Variants in CSMD1 observed in about 807,000 individuals in gnomAD.
The protein encoded by CSMD1 is CUB and sushi domain-containing protein 1.
A neutral mutation model predicts 417.5 loss-of-function variants in CSMD1; 213 were observed. That is an observed-to-expected ratio of 0.51 (90% confidence interval 0.46 to 0.57). CSMD1 has a LOEUF of 0.57. Ranked by LOEUF, CSMD1 falls within the 20% of genes least tolerant of loss-of-function variation. The pLI is 0.00. For missense variants in CSMD1, 6,923 were observed against 4,529.7 expected, an observed-to-expected ratio of 1.53 and a Z score of -15.17; for synonymous variants, 2,862 against 1,736.8, an observed-to-expected ratio of 1.65 and a Z score of -16.11.
At chr8:3,717,285 G>A (rs564876952) in intron 6 of CSMD1, among the ~76,000 whole-genome samples, 52 of 151,980 alleles carry the variant, frequency 3.4e-4, no homozygotes, top group Non-Finnish European at 5.3e-4. Flanking sequence ...CTCTTTCAAC[G>A]CTTATCTCAG....
intron 11 of CSMD1, among the ~76,000 whole-genome samples, chr8:3,487,738 G>A (rs1303364071): frequency 1.3e-5 from 2 of 152,156 alleles, no homozygotes; most frequent in Non-Finnish European, 2.9e-5. Flanking sequence ...AATTAGCTGT[G>A]AATGTTTTTA....
chr8:3,447,464 G>C (rs553689522), intron 12 of CSMD1, among the ~76,000 whole-genome samples: 2 of 152,264 alleles, frequency 1.3e-5, no homozygotes, highest in Non-Finnish European at 2.9e-5. Flanking sequence ...AAAGTATTTA[G>C]GGTAAGAGCG....
At chr8:4,818,806 C>T (rs192956860) in intron 1 of CSMD1, among the ~76,000 whole-genome samples, 312 of 152,272 alleles carry the variant, frequency 2.0e-3, no homozygotes, top group Non-Finnish European at 3.2e-3. Flanking sequence ...ATTTTCATTT[C>T]ATTAGAGACT....
At chr8:3,276,860 G>T (rs1039177010) in intron 26 of CSMD1, among the ~76,000 whole-genome samples, 2 of 152,092 alleles carry the variant, frequency 1.3e-5, no homozygotes, top group African/African-American at 4.8e-5. Context: ...TTGATTATAT[G>T]TCATGTTCTA....
intron 2 of CSMD1, among the ~76,000 whole-genome samples, chr8:4,428,789 G>A (rs1420311273): frequency 1.3e-5 from 2 of 151,992 alleles, no homozygotes; most frequent in South Asian, 2.1e-4. Context: ...GCGTGATCTT[G>A]GCTCACTGCA....
At chr8:4,253,973 G>A (rs1038040835) in intron 3 of CSMD1, among the ~76,000 whole-genome samples, 3 of 140,446 alleles carry the variant, frequency 2.1e-5, no homozygotes, top group African/African-American at 5.5e-5. Flanking sequence ...CTGGAGTGCA[G>A]TGGTGCGATC....
intron 3 of CSMD1, among the ~76,000 whole-genome samples, chr8:4,113,499 G>C (rs941389389): frequency 6.9e-6 from 1 of 145,000 alleles, no homozygotes; most frequent in Admixed American, 7.3e-5. Context: ...CTGCCTCCCA[G>C]GTTCAAGCAA....
chr8:3,620,916 C>T (rs1045578738), intron 7 of CSMD1, among the ~76,000 whole-genome samples: 1 of 152,134 alleles, frequency 6.6e-6, no homozygotes, highest in African/African-American at 2.4e-5. Flanking sequence ...GTTCTAAACA[C>T]CAGTACCTCA....
At chr8:3,990,867 G>C (rs891163804) in intron 5 of CSMD1, among the ~76,000 whole-genome samples, 3 of 152,108 alleles carry the variant, frequency 2.0e-5, no homozygotes, top group Non-Finnish European at 4.4e-5. Context: ...CCTTCACAGA[G>C]AGCCACCTTC....
At chr8:4,290,307 T>C (rs1168649215) in intron 3 of CSMD1, among the ~76,000 whole-genome samples, 1 of 152,038 alleles carries the variant, frequency 6.6e-6, no homozygotes. Flanking sequence ...AGATGTGAAA[T>C]TTCAGATGGT....
Position 3,533,117 on chromosome 8 carries a change from G to A in CSMD1, c.1345-39391C>T, listed in dbSNP as rs562599642. Among the ~76,000 whole-genome samples the A allele has an allele frequency of 9.7e-4, 148 of 152,262 alleles. 1 individual carries two copies. Among genetic ancestry groups the A allele is most frequent in the Middle Eastern group, 3.4e-3 (1 of 294 alleles). On this transcript the variant is annotated intron_variant, in intron 10 of 69. Transcript: ENST00000635120. ...ATCACCATCTTGGCATGAAGGAAAA[G>A]CATGAAAGGACTTATTTTTGCAGAG...
chr8:4,041,096 A>C (rs547494496), intron 3 of CSMD1, among the ~76,000 whole-genome samples: 4,664 of 141,024 alleles, frequency 0.033, 104 homozygotes, highest in Non-Finnish European at 0.048. Flanking sequence ...GGCTCACTGC[A>C]AGCTCCGCCT....
chr8:3,908,284 C>G (rs979115525), intron 5 of CSMD1, among the ~76,000 whole-genome samples: 2 of 152,046 alleles, frequency 1.3e-5, no homozygotes, highest in Admixed American at 6.6e-5. Context: ...AGAAATCTTC[C>G]CAACATCGCA....
chr8:3,376,182 T>C (rs1360587054), intron 18 of CSMD1, among the ~76,000 whole-genome samples: 1 of 152,034 alleles, frequency 6.6e-6, no homozygotes, highest in Non-Finnish European at 1.5e-5. Context: ...AAAATACTTA[T>C]TTAATAAAAA....
chr8:4,378,535 C>A (rs1004758013), intron 3 of CSMD1, among the ~76,000 whole-genome samples: 2 of 152,148 alleles, frequency 1.3e-5, no homozygotes, highest in African/African-American at 2.4e-5. Context: ...CTGAAGTCAC[C>A]GTGTGACCAT....
intron 3 of CSMD1, among the ~76,000 whole-genome samples, chr8:4,261,300 C>G (rs1803861199): frequency 6.6e-6 from 1 of 152,038 alleles, no homozygotes. Context: ...AGTGAAATAA[C>G]CCAGGCATAG....
chr8:3,317,091 GA>G (rs1362105273), intron 23 of CSMD1, among the ~76,000 whole-genome samples: 1 of 152,156 alleles, frequency 6.6e-6, no homozygotes, highest in East Asian at 1.9e-4. Context: ...TGGGGTCTGT[GA>G]TGAAGAGAGG....
intron 10 of CSMD1, among the ~76,000 whole-genome samples, chr8:3,523,854 C>A (rs540846974): frequency 3.4e-5 from 5 of 148,814 alleles, no homozygotes; most frequent in Admixed American, 1.3e-4. Context: ...CATGTGCATG[C>A]GCATGCACAC....
intron 54 of CSMD1, among the ~76,000 whole-genome samples, chr8:2,981,425 C>T (rs1805415094): frequency 6.6e-6 from 1 of 150,884 alleles, no homozygotes. Context: ...CCTGCAGCGA[C>T]TCCAGACCTG....
Sources: allele counts gnomAD v4.1 joint callset (sites outside exome capture counted in the v4.1 genomes callset), GRCh38; gene constraint gnomAD v4.1.1; transcripts MANE v1.5; gene names NCBI Gene and HGNC (gene_info 2026-07-23, HGNC 2026-07-21).